SLC2A12: variants seen among roughly 807,000 people sequenced by gnomAD.
SLC2A12 encodes the protein solute carrier family 2 member 12, also known as solute carrier family 2, facilitated glucose transporter member 12.
A neutral mutation model predicts 41.8 loss-of-function variants in SLC2A12; 23 were observed. The observed-to-expected ratio is 0.55, with a 90% CI of 0.40 to 0.78. The LOEUF (loss-of-function observed/expected upper bound fraction) is 0.78. Among genes scored for constraint, SLC2A12 ranks in the 30% least tolerant of loss-of-function variants. The probability of loss-of-function intolerance (pLI) is 0.00; values close to 1 mark genes in which losing one functional copy is unlikely to be tolerated. For missense variants in SLC2A12, 654 were observed against 745.6 expected (o/e 0.88, Z 1.43); for synonymous variants, 295 against 285.9 (o/e 1.03, Z -0.32).
intron 2 of SLC2A12, among the ~76,000 whole-genome samples, chr6:134,023,826 T>A (rs1054475747): frequency 6.6e-6 from 1 of 152,200 alleles, no homozygotes; most frequent in Admixed American, 6.5e-5. Flanking sequence ...TTGAAATTTT[T>A]TCCCCCACAG....
At chr6:134,004,075 A>C (rs979982222) in intron 3 of SLC2A12, among the ~76,000 whole-genome samples, 1 of 152,214 alleles carries the variant, frequency 6.6e-6, no homozygotes, top group African/African-American at 2.4e-5. Flanking sequence ...TTTGTTCTAA[A>C]AGCCCATACG....
At chr6:134,004,568 G>T (rs535507868) in intron 3 of SLC2A12, among the ~76,000 whole-genome samples, 1 of 152,216 alleles carries the variant, frequency 6.6e-6, no homozygotes, top group African/African-American at 2.4e-5. Flanking sequence ...TAGGTTATTT[G>T]TTTCATAGAA....
intron 1 of SLC2A12, among the ~76,000 whole-genome samples, chr6:134,044,260 G>A (rs1184249668): frequency 6.6e-6 from 1 of 152,082 alleles, no homozygotes; most frequent in Non-Finnish European, 1.5e-5. Flanking sequence ...TCCACTAATT[G>A]GCAGTAAGCA....
chr6:133,991,197 C>T lies in SLC2A12; in HGVS notation c.1812G>A (p.Leu604=). 1 of 1,614,034 alleles carries T rather than the reference C, an allele frequency of 6.2e-7. No homozygotes were observed. Among genetic ancestry groups the T allele is most frequent in the Non-Finnish European group, 8.5e-7 (1 of 1,179,994 alleles). Residue 604 remains leucine, a synonymous_variant, in exon 5 of 5, where the codon CTG becomes CTA. Coordinates refer to ENST00000275230, the MANE Select transcript of SLC2A12 (RefSeq NM_145176.3). ...PQEQLLECNK[L]CGRGQSRQLS... Reference sequence around the variant, plus strand: ...GCTGCCTGGATTGGCCCCTACCACACAGCTTGTTACACTCCAAGAGCTGCT... The same window carrying T: ...GCTGCCTGGATTGGCCCCTACCACATAGCTTGTTACACTCCAAGAGCTGCT...
chr6:134,051,859 C>T (rs2114522754), intron 1 of SLC2A12, among the ~76,000 whole-genome samples: 1 of 152,244 alleles, frequency 6.6e-6, no homozygotes, highest in Middle Eastern at 3.4e-3. Context: ...TTTGTGTTCT[C>T]ATTGATTACA....
At position 134,029,092 on chromosome 6, in the gene SLC2A12, C is replaced by T. The variant is rs1777158944; in HGVS notation, c.733G>A (p.Asp245Asn). 6.2e-7 allele frequency: 1 copy of T among 1,614,204 alleles called. No homozygotes were observed. Among genetic ancestry groups the T allele is most frequent in the East Asian group, 2.2e-5 (1 of 44,892 alleles). The change falls in exon 2 of 5, where the codon GAT becomes AAT. Residue 245 changes from aspartate to asparagine, a missense_variant. By Grantham distance (23) the Asp-to-Asn change is conservative. Around this residue, in one of 3 missense-constraint regions of SLC2A12, gnomAD observed 411 missense variants for 412.1 expected, o/e 1.00. Transcript: ENST00000275230. ...KVLGRLRALS[D>N]TTEELTVIKS... ...ATCACAGTGAGTTCCTCAGTTGTAT[C>T]TGAGAGTGCTCTTAACCTTCCAAGA...
intron 4 of SLC2A12, among the ~76,000 whole-genome samples, chr6:133,997,240 C>T (rs1179644193): frequency 6.6e-6 from 1 of 152,026 alleles, no homozygotes; most frequent in Non-Finnish European, 1.5e-5. Flanking sequence ...CTAGGGGCAA[C>T]AGAGCGAGAC....
intron 1 of SLC2A12, among the ~76,000 whole-genome samples, chr6:134,036,385 A>G (rs2811672): frequency 0.57 from 86,549 of 152,006 alleles, 25,597 homozygotes; most frequent in African/African-American, 0.74. Context: ...AGTCATCTCT[A>G]CTACCACCTC....
intron 4 of SLC2A12, among the ~76,000 whole-genome samples, chr6:134,000,117 C>A (rs1776737818): frequency 6.6e-6 from 1 of 152,134 alleles, no homozygotes; most frequent in Non-Finnish European, 1.5e-5. Context: ...AAGGATATAG[C>A]CAGCCTTCCT....
At position 133,988,351 on chromosome 6, in the gene SLC2A12, T is replaced by C. The variant is rs1562670773; in HGVS notation, c.*2804A>G. On this transcript the variant is annotated 3_prime_UTR_variant, in exon 5 of 5. Coordinates refer to ENST00000275230, the MANE Select transcript of SLC2A12 (RefSeq NM_145176.3). ...GCCCTGTCATTTAGGTTTAGGAGTT[T>C]AGTGTAACCAACAGTGATTATACCT... 6.6e-6 allele frequency: 1 copy of C among 152,212 alleles called. No homozygotes were observed. The highest frequency in any genetic ancestry group is 1.5e-5 in the Non-Finnish European group (1 of 68,006). 9.4% of individuals were successfully genotyped at this position (152,212 alleles called of 1,614,324 possible).
rs1776614349 is a variant in SLC2A12 at position 133,990,997 on chromosome 6, G to A, written c.*158C>T. ...ACCTTTTGAGGTTCCTTCTGGGGAG[G>A]AGGGGGATTAAAGGCTGTCTTTATC... On this transcript the variant is annotated 3_prime_UTR_variant, in exon 5 of 5. Transcript: ENST00000275230. 5.1e-6 allele frequency: 4 copies of A among 781,776 alleles called. No homozygotes were observed. The highest frequency in any genetic ancestry group is 5.2e-5 in the South Asian group (2 of 38,688). 48.4% of individuals were successfully genotyped at this position (781,776 alleles called of 1,614,324 possible).
intron 3 of SLC2A12, among the ~76,000 whole-genome samples, chr6:134,003,119 G>C (rs1243363157): frequency 6.6e-6 from 1 of 152,218 alleles, no homozygotes; most frequent in Non-Finnish European, 1.5e-5. Context: ...GAGCACTTGT[G>C]TACTGAGGCA....
At position 133,991,126 on chromosome 6, in the gene SLC2A12, C is replaced by T. The variant is rs980703055; in HGVS notation, c.*29G>A. The T allele has an allele frequency of 6.9e-6, 11 of 1,596,850 alleles. No homozygotes were observed. The highest frequency in any genetic ancestry group is 1.7e-4 in the Middle Eastern group (1 of 5,944). Reference sequence around the variant, plus strand: ...AGACACCCTCCTAAGTGTTCTGGCACTATCCACGTTCAGAAGGTGTTGAGG... The same window carrying T: ...AGACACCCTCCTAAGTGTTCTGGCATTATCCACGTTCAGAAGGTGTTGAGG... On this transcript the variant is annotated 3_prime_UTR_variant, in exon 5 of 5. Transcript: ENST00000275230.
intron 2 of SLC2A12, among the ~76,000 whole-genome samples, chr6:134,025,103 C>A (rs961342158): frequency 2.2e-4 from 34 of 152,306 alleles, no homozygotes; most frequent in Admixed American, 2.0e-3. Context: ...TTGCAAAATG[C>A]ACAATGGTCC....
Position 133,987,660 on chromosome 6 carries a change from A to ATATATATATATATATATATATG in SLC2A12, c.*3494_*3495insCATATATATATATATATATATA, listed in dbSNP as rs1014795332. On this transcript the variant is annotated 3_prime_UTR_variant, in exon 5 of 5. Transcript: ENST00000275230. ...TGTGTGTGTGTGTGTATATATATATATATATATGCACCACATGTGTATAGT... is the reference window on the plus strand; with the variant it reads ...TGTGTGTGTGTGTGTATATATATATATATATATATATATATATATATGTATATATGCACCACATGTGTATAGT... 6.9e-5 allele frequency: 10 copies of ATATATATATATATATATATATG among 145,010 alleles called. No homozygotes were observed. The highest frequency in any genetic ancestry group is 1.1e-4 in the Non-Finnish European group (7 of 64,626). The allele number at this position is 145,010 out of a possible 1,614,324, so 9.0% of individuals were successfully genotyped here. A position where few individuals can be genotyped will look rare whatever the true frequency, so the allele number is the denominator to read the frequency against.
In SLC2A12 at chr6:134,002,115, G is replaced by T. The variant is rs1316851060; in HGVS notation, c.1582C>A (p.Pro528Thr). ...ATTGTATATATAAAGCACACCCATG[G>T]CAGGCCAATAAGATCTATAAAGGAC... ...FLTVTDLIGL[P>T]WVCFIYTIMS... The change falls in exon 4 of 5, where the codon CCA (proline) becomes ACA (threonine). Residue 528 changes from proline (P) to threonine (T), a missense_variant. Physicochemically the swap from Pro to Thr is conservative, Grantham distance 38. This residue lies in a region of SLC2A12 where 134 missense variants were observed against 180.5 expected (regional missense o/e 0.74). Transcript: ENST00000275230. 1.3e-6 allele frequency: 2 copies of T among 1,595,952 alleles called. No individual in the cohort carries two copies. The highest frequency in any genetic ancestry group is 8.5e-7 in the Non-Finnish European group (1 of 1,174,848).
chr6:133,998,367 TTCTTAA>T (rs1776719283), intron 4 of SLC2A12, among the ~76,000 whole-genome samples: 2 of 152,246 alleles, frequency 1.3e-5, no homozygotes, highest in Non-Finnish European at 2.9e-5. Flanking sequence ...GATTTGAAAG[TTCTTAA>T]TCTTATACAG....
chr6:133,994,455 C>T lies in SLC2A12; in HGVS notation c.1701-3147G>A, dbSNP rs182813056. On this transcript the variant is annotated intron_variant, in intron 4 of 4. Transcript: ENST00000275230. Reference sequence around the variant, plus strand: ...TAAAAACTGTAAAACTGGCTGGACGCGGTGGCTCACGCCTGTAATCCCAGC... The same window carrying T: ...TAAAAACTGTAAAACTGGCTGGACGTGGTGGCTCACGCCTGTAATCCCAGC... Among the ~76,000 whole-genome samples the T allele has an allele frequency of 1.3e-3, 191 of 152,234 alleles. 1 individual carries two copies. In the South Asian group the frequency reaches 0.03, roughly 24 times the overall value.
chr6:134,027,551 G>C (rs1777131735), intron 2 of SLC2A12, among the ~76,000 whole-genome samples: 1 of 152,088 alleles, frequency 6.6e-6, no homozygotes, highest in African/African-American at 2.4e-5. Context: ...GGTAATAGAG[G>C]CTACCTTTAA....
Sources: allele counts gnomAD v4.1 joint callset (sites outside exome capture counted in the v4.1 genomes callset), GRCh38; gene constraint gnomAD v4.1.1; regional missense constraint gnomAD v4.1.1; transcripts MANE v1.5; gene names NCBI Gene and HGNC (gene_info 2026-07-23, HGNC 2026-07-21).